ARK2N: variants seen among roughly 807,000 people sequenced by gnomAD.
ARK2N encodes arkadia (RNF111) N-terminal like PKA signaling regulator 2N.
At chr18:46,192,940 G>A in the ARK2N span, among the ~76,000 whole-genome samples, 1 of 151,156 alleles carries the variant, frequency 6.6e-6, no homozygotes, top group African/African-American at 2.4e-5. Context: ...CTCACGCCTG[G>A]AATCCCAGGA....
chr18:46,250,141 G>T, the ARK2N span, among the ~76,000 whole-genome samples: 2 of 151,892 alleles, frequency 1.3e-5, no homozygotes, highest in East Asian at 3.9e-4. Context: ...TTAGACCTCT[G>T]ACCTGAGCTT....
At chr18:46,257,780 G>T in the ARK2N span, among the ~76,000 whole-genome samples, 1 of 152,056 alleles carries the variant, frequency 6.6e-6, no homozygotes, top group East Asian at 1.9e-4. Context: ...AACCGTGTTG[G>T]AACAGTTCCT....
the ARK2N span, among the ~76,000 whole-genome samples, chr18:46,186,959 A>T: frequency 2.7e-5 from 4 of 150,792 alleles, no homozygotes; most frequent in Admixed American, 2.7e-4. Context: ...GATTCAAGTG[A>T]TTCTGCTGTC....
the ARK2N span, chr18:46,253,828 G>T: frequency 6.3e-7 from 1 of 1,599,040 alleles, no homozygotes; most frequent in African/African-American, 1.3e-5. Flanking sequence ...TGCAAGGTAG[G>T]ATACTAATTG....
the ARK2N span, among the ~76,000 whole-genome samples, chr18:46,186,787 C>T: frequency 8.6e-5 from 13 of 151,814 alleles, no homozygotes; most frequent in Middle Eastern, 3.4e-3. Context: ...GGATTACAGG[C>T]GTGAGCCCCC....
chr18:46,263,234 A>G, the ARK2N span: 1 of 1,072,728 alleles, frequency 9.3e-7, no homozygotes, highest in South Asian at 2.0e-5. Context: ...CATTTGTAGG[A>G]TTCAAACTCA....
the ARK2N span, among the ~76,000 whole-genome samples, chr18:46,192,897 AAAG>A: frequency 6.6e-6 from 1 of 151,412 alleles, no homozygotes; most frequent in Non-Finnish European, 1.5e-5. Context: ...AAAAAAAAAA[AAAG>A]AATGTGGACT....
chr18:46,174,836 T>C, the ARK2N span, among the ~76,000 whole-genome samples: 1 of 152,116 alleles, frequency 6.6e-6, no homozygotes, highest in African/African-American at 2.4e-5. Flanking sequence ...CACCTGCCCC[T>C]GCAGCGGAGA....
At chr18:46,190,904 G>A in the ARK2N span, among the ~76,000 whole-genome samples, 1 of 152,210 alleles carries the variant, frequency 6.6e-6, no homozygotes, top group African/African-American at 2.4e-5. Flanking sequence ...GAAGATGGCT[G>A]TAGTGTGTGT....
the ARK2N span, chr18:46,218,908 C>T: frequency 1.3e-5 from 2 of 152,224 alleles, no homozygotes; most frequent in East Asian, 3.9e-4. Context: ...GAATGGAAAC[C>T]AAGTGGAAAA....
the ARK2N span, among the ~76,000 whole-genome samples, chr18:46,230,668 T>A: frequency 6.6e-6 from 1 of 152,354 alleles, no homozygotes. Context: ...TTTTTTTCTC[T>A]TGTTTTCATG....
the ARK2N span, among the ~76,000 whole-genome samples, chr18:46,177,292 A>G: frequency 6.6e-6 from 1 of 152,076 alleles, no homozygotes; most frequent in African/African-American, 2.4e-5. Flanking sequence ...ACAGTGGCTC[A>G]CACCTCTAAT....
At chr18:46,253,622 G>C in the ARK2N span, 2 of 1,512,010 alleles carry the variant, frequency 1.3e-6, no homozygotes, top group Admixed American at 3.8e-5. Context: ...TGACAAATCT[G>C]TCAATGAGTT....
At chr18:46,195,559 CTTTTT>C in the ARK2N span, among the ~76,000 whole-genome samples, 111 of 72,660 alleles carry the variant, frequency 1.5e-3, no homozygotes, top group African/African-American at 6.9e-3. Flanking sequence ...CCCACATAAA[CTTTTT>C]TTTTTTTTTT....
At chr18:46,246,832 T>G in the ARK2N span, among the ~76,000 whole-genome samples, 10 of 151,790 alleles carry the variant, frequency 6.6e-5, no homozygotes, top group East Asian at 1.9e-3. Context: ...TCCCACCTAC[T>G]CAGGAGGCTG....
the ARK2N span, among the ~76,000 whole-genome samples, chr18:46,246,900 C>G: frequency 6.7e-6 from 1 of 149,102 alleles, no homozygotes; most frequent in Non-Finnish European, 1.5e-5. Flanking sequence ...GAGATCACAT[C>G]TTTGCACTCC....
At chr18:46,198,816 C>T in the ARK2N span, among the ~76,000 whole-genome samples, 1 of 152,108 alleles carries the variant, frequency 6.6e-6, no homozygotes. Context: ...CCAGGTTGGT[C>T]TCGAACTCCT....
the ARK2N span, among the ~76,000 whole-genome samples, chr18:46,193,591 GTTTTTTT>G: frequency 2.2e-5 from 2 of 92,398 alleles, no homozygotes; most frequent in African/African-American, 8.0e-5. Flanking sequence ...GCCCAGCCGG[GTTTTTTT>G]TTTTTTTTTT....
the ARK2N span, among the ~76,000 whole-genome samples, chr18:46,212,644 C>G: frequency 6.6e-6 from 1 of 151,926 alleles, no homozygotes; most frequent in Non-Finnish European, 1.5e-5. Context: ...GACTGCAATA[C>G]CGGTTACTAA....
Sources: allele counts gnomAD v4.1 joint callset (sites outside exome capture counted in the v4.1 genomes callset), GRCh38; gene constraint gnomAD v4.1.1; transcripts MANE v1.5; gene names NCBI Gene and HGNC (gene_info 2026-07-23, HGNC 2026-07-21).